HDAC5: variants seen among roughly 807,000 people sequenced by gnomAD.
HDAC5 encodes antigen NY-CO-9.
In HDAC5, 25 loss-of-function variants were observed where a neutral mutation model predicts 133.3. The ratio of observed to expected loss-of-function variants is 0.19; its 90% CI spans 0.14 to 0.26. The LOEUF (loss-of-function observed/expected upper bound fraction) is 0.26. Among genes scored for constraint, HDAC5 ranks in the 10% least tolerant of loss-of-function variants. HDAC5 has a pLI of 1.00. For synonymous variants in HDAC5, 589 were observed against 610.8 expected, an observed-to-expected ratio of 0.96 and a Z score of 0.53; for missense variants, 1,041 against 1,460.5, an observed-to-expected ratio of 0.71 and a Z score of 4.68.
Position 44,085,139 on chromosome 17 carries a change from C to T in HDAC5, c.2067G>A (p.Thr689=), listed in dbSNP as rs1340318609. ...ACATGCACTGGTGCTTTAGCATGAACGTGTCGTAGACCACACCTGGGCCAC... is the reference window on the plus strand; with the variant it reads ...ACATGCACTGGTGCTTTAGCATGAATGTGTCGTAGACCACACCTGGGCCAC... ...HLFTTGVVYD[T]FMLKHQCMCG... The change falls in exon 15 of 27, where the codon ACG becomes ACA. Residue 689 remains threonine, a synonymous_variant. Transcript: ENST00000682912. The T allele has an allele frequency of 3.1e-6, 5 of 1,599,234 alleles. No individual in the cohort carries two copies. Among genetic ancestry groups the T allele is most frequent in the Non-Finnish European group, 3.4e-6 (4 of 1,167,802 alleles).
intron 9 of HDAC5, 150 bp from the exon 10 acceptor site, chr17:44,091,981 C>T (rs550701177): frequency 1.5e-4 from 152 of 1,033,240 alleles, no homozygotes; most frequent in Non-Finnish European, 2.0e-4. Flanking sequence ...CATCAGGGCT[C>T]TTCATAGTCC....
At chr17:44,082,374 C>A (rs530740999) in intron 20 of HDAC5, 32 of 587,328 alleles carry the variant, frequency 5.4e-5, no homozygotes, top group Non-Finnish European at 8.5e-5. Context: ...AGCTAAATGT[C>A]TTTCATAGTT....
chr17:44,123,267 GC>G, intron 1 of HDAC5: 2 of 306,910 alleles, frequency 6.5e-6, no homozygotes, highest in Non-Finnish European at 1.2e-5. Context: ...TAGGGAAGGC[GC>G]CCCTGTCTGG....
chr17:44,080,970 A>G (rs2050361863), intron 20 of HDAC5, 88 bp from the exon 21 acceptor site: 2 of 1,544,702 alleles, frequency 1.3e-6, no homozygotes, highest in South Asian at 1.1e-5. Context: ...ACTGTAGCTC[A>G]TGCCTGTAAT....
intron 2 of HDAC5, chr17:44,115,946 T>A (rs915396146): frequency 2.6e-5 from 4 of 152,092 alleles, no homozygotes; most frequent in African/African-American, 9.7e-5. Flanking sequence ...TCTTGTCAGC[T>A]CCCACAGAGG....
chr17:44,082,477 G>C lies in HDAC5; in HGVS notation c.2607+108C>G. 4 of 841,380 alleles carry C rather than the reference G, an allele frequency of 4.8e-6. No homozygotes were observed. In the South Asian group the frequency reaches 5.9e-5, roughly 12 times the overall value. The allele number at this position is 841,380 out of a possible 1,614,324, so 52.1% of individuals were successfully genotyped here. A position where few individuals can be genotyped will look rare whatever the true frequency, so the allele number is the denominator to read the frequency against. ...ACCCACACCCAGCACCCGAGGATGA[G>C]GACGACTGGGGTGCTTGAAGGTGGG... is the stretch of plus-strand genomic sequence containing the variant. On this transcript the variant is annotated intron_variant, in intron 20 of 26. Coordinates refer to ENST00000682912, the MANE Select transcript of HDAC5 (RefSeq NM_005474.5).
intron 3 of HDAC5, among the ~76,000 whole-genome samples, chr17:44,109,577 G>T (rs1162869655): frequency 1.3e-5 from 2 of 152,232 alleles, no homozygotes; most frequent in African/African-American, 4.8e-5. Context: ...GGGCATCCCT[G>T]CCTGGGCAGA....
At chr17:44,086,548 A>C in intron 14 of HDAC5, 24 bp downstream of exon 14, 1 of 1,293,908 alleles carries the variant, frequency 7.7e-7, no homozygotes, top group Non-Finnish European at 9.9e-7. Context: ...TGGCAGAAGG[A>C]CCTAACAGTT....
At chr17:44,078,463 G>A (rs769030521) in intron 26 of HDAC5, 37 bp downstream of exon 26, 14 of 1,579,036 alleles carry the variant, frequency 8.9e-6, no homozygotes, top group Non-Finnish European at 1.2e-5. Context: ...GCACCAGCAG[G>A]GGTGAGGGCA....
intron 18 of HDAC5, among the ~76,000 whole-genome samples, chr17:44,083,202 C>T (rs1428629484): frequency 6.6e-6 from 1 of 152,090 alleles, no homozygotes; most frequent in East Asian, 1.9e-4. Context: ...AACTCCTGGG[C>T]TCAAGCTATC....
rs561621270 is a variant in HDAC5, at chr17:44,115,129, G to A, written c.22+2365C>T. On this transcript the variant is annotated intron_variant, in intron 2 of 26. Transcript: ENST00000682912. ...TTTTCTTCTGTCTTCCACAGGCTGA[G>A]CCTGTTGGTGATACTCAGTGAGGAC... is the stretch of plus-strand genomic sequence containing the variant. Among the ~76,000 whole-genome samples, 24 of 152,354 alleles carry A rather than the reference G, an allele frequency of 1.6e-4. No homozygotes were observed. The East Asian group carries it at 4.4e-3, about 28-fold the overall frequency.
intron 3 of HDAC5, among the ~76,000 whole-genome samples, chr17:44,097,318 G>A (rs1048562548): frequency 2.0e-5 from 3 of 152,248 alleles, no homozygotes; most frequent in African/African-American, 7.2e-5. Flanking sequence ...GCATGGTTGG[G>A]AACATTCCTC....
chr17:44,085,372 G>C, intron 14 of HDAC5: 1 of 427,094 alleles, frequency 2.3e-6, no homozygotes, highest in Non-Finnish European at 4.2e-6. Context: ...TGTCACCCAG[G>C]CTGGAGTGGA....
Position 44,085,097 on chromosome 17 carries a change from C to T in HDAC5, c.2109G>A (p.Val703=), listed in dbSNP as rs779503991. Reference sequence around the variant, plus strand: ...GGATCCGGCCAGCATGCTCAGGGTGCACGTGTGTGTTCCCGCACATGCACT... The same window carrying T: ...GGATCCGGCCAGCATGCTCAGGGTGTACGTGTGTGTTCCCGCACATGCACT... ...KHQCMCGNTH[V]HPEHAGRIQS... is the part of the protein sequence containing the mutation. The change falls in exon 15 of 27, where the codon GTG becomes GTA. Residue 703 remains valine (V), a synonymous_variant. Transcript: ENST00000682912. 5.6e-6 allele frequency: 9 copies of T among 1,606,242 alleles called. No homozygotes were observed. In the South Asian group the frequency reaches 6.6e-5, roughly 12 times the overall value.
At chr17:44,103,105 C>G (rs924233706) in intron 3 of HDAC5, among the ~76,000 whole-genome samples, 1 of 152,108 alleles carries the variant, frequency 6.6e-6, no homozygotes, top group East Asian at 1.9e-4. Context: ...TGTTCTGTCT[C>G]TTGGAGATTG....
At chr17:44,082,360 C>G (rs541685652) in intron 20 of HDAC5, 8 of 576,714 alleles carry the variant, frequency 1.4e-5, no homozygotes, top group African/African-American at 1.3e-4. Context: ...CAAGATGGAA[C>G]AGGAGCTAAA....
chr17:44,079,571 C>T (rs562856679), intron 23 of HDAC5, among the ~76,000 whole-genome samples: 19 of 126,382 alleles, frequency 1.5e-4, no homozygotes, highest in Middle Eastern at 5.3e-3. Context: ...ACCCAGGAGG[C>T]GGAGGTTGCA....
intron 3 of HDAC5, 90 bp from the exon 4 acceptor site, chr17:44,093,924 A>G: frequency 7.1e-7 from 1 of 1,409,120 alleles, no homozygotes; most frequent in Non-Finnish European, 9.3e-7. Flanking sequence ...GCAGGATTCT[A>G]GGAGACCCAA....
intron 3 of HDAC5, among the ~76,000 whole-genome samples, chr17:44,104,492 CACAA>C (rs1192122785): frequency 2.0e-5 from 3 of 152,134 alleles, no homozygotes; most frequent in African/African-American, 7.2e-5. Context: ...GCGGTCCTGG[CACAA>C]ACAAAGCCCT....
Sources: gnomAD v4.1 joint callset for allele counts (sites outside exome capture counted in the v4.1 genomes callset) on GRCh38, gnomAD v4.1.1 for gene constraint, MANE v1.5 for transcripts, NCBI Gene and HGNC (gene_info 2026-07-23, HGNC 2026-07-21) for gene names.